Variants in FSHR observed in about 807,000 individuals in gnomAD.
The protein encoded by FSHR is follicle stimulating hormone receptor.
FSHR carries 46 observed loss-of-function variants against 52.1 expected under a neutral mutation model. The ratio of observed to expected loss-of-function variants is 0.88; its 90% CI spans 0.70 to 1.13. The LOEUF is 1.13. Ranked by LOEUF, FSHR falls within the 50% of genes most tolerant of loss-of-function variation. The pLI, the probability that FSHR is intolerant of heterozygous loss-of-function variation, is 0.00. For missense variants in FSHR, 964 were observed against 834.6 expected, an observed-to-expected ratio of 1.16 and a Z score of -1.91; for synonymous variants, 399 against 309.6, an observed-to-expected ratio of 1.29 and a Z score of -3.03.
At chr2:49,089,122 T>G (rs1178904143) in intron 1 of FSHR, among the ~76,000 whole-genome samples, 1 of 151,636 alleles carries the variant, frequency 6.6e-6, no homozygotes, top group Non-Finnish European at 1.5e-5. Context: ...TATTTATTTA[T>G]ATGAGTTTGA....
rs561098605 is a variant in FSHR, at chr2:49,032,605, A to G, written c.225-12445T>C. ...GCTAATAGCAGGTGCCCAGTAAGTG[A>G]TCACTGATGGGCGAAATAAATGAAA... On this transcript the variant is annotated intron_variant, in intron 2 of 9. Coordinates refer to ENST00000406846, the MANE Select transcript of FSHR (RefSeq NM_000145.4). Among the ~76,000 whole-genome samples the G allele has an allele frequency of 3.3e-5, 5 of 152,346 alleles. No homozygotes were observed. The South Asian group carries it at 8.3e-4, about 25-fold the overall frequency.
At chr2:49,032,054 T>A (rs1668117707) in intron 2 of FSHR, among the ~76,000 whole-genome samples, 1 of 152,308 alleles carries the variant, frequency 6.6e-6, no homozygotes, top group Non-Finnish European at 1.5e-5. Flanking sequence ...GGGCTTGAAG[T>A]CCTTTGCCTT....
At chr2:49,032,261 A>G (rs1373729696) in intron 2 of FSHR, among the ~76,000 whole-genome samples, 1 of 152,136 alleles carries the variant, frequency 6.6e-6, no homozygotes, top group East Asian at 1.9e-4. Flanking sequence ...GTATTTTATC[A>G]TAGTCAGGCT....
chr2:49,084,893 C>T (rs1214295280), intron 1 of FSHR, among the ~76,000 whole-genome samples: 1 of 152,072 alleles, frequency 6.6e-6, no homozygotes, highest in Admixed American at 6.5e-5. Flanking sequence ...CAGATGGATT[C>T]ACAGCTGAAT....
intron 8 of FSHR, among the ~76,000 whole-genome samples, chr2:48,974,471 G>A (rs915996298): frequency 1.3e-5 from 2 of 152,220 alleles, no homozygotes; most frequent in East Asian, 1.9e-4. Context: ...AAGGCATCTT[G>A]TCAGTGCCCT....
At chr2:49,013,197 G>C (rs151236291) in intron 4 of FSHR, among the ~76,000 whole-genome samples, 1,634 of 150,862 alleles carry the variant, frequency 0.011, 35 homozygotes, top group African/African-American at 0.037. Context: ...CTGTCTGCAA[G>C]CCAGGAACCA....
rs748692244 is a variant in FSHR, at chr2:48,968,837, C to T, written c.715G>A (p.Glu239Lys). ...CTGGCCCTCAGCTTCTTAAGATTTT[C>T]TAAGCCATAGCTAGGCAGGGAATGG... ...RIHSLPSYGL[E>K]NLKKLRARST... Residue 239 changes from glutamate (E) to lysine (K), a missense_variant, in exon 9 of 10, where the codon GAA becomes AAA. Transcript: ENST00000406846. 1.2e-6 allele frequency: 2 copies of T among 1,614,062 alleles called. No homozygotes were observed. Among genetic ancestry groups the T allele is most frequent in the South Asian group, 2.2e-5 (2 of 91,080 alleles).
At chr2:48,968,938 C>T in intron 8 of FSHR, 55 bp from the exon 9 acceptor site, 3 of 1,539,690 alleles carry the variant, frequency 1.9e-6, no homozygotes, top group Non-Finnish European at 2.7e-6. Flanking sequence ...AAACTTTCTG[C>T]TCTTGGTTAG....
intron 1 of FSHR, among the ~76,000 whole-genome samples, chr2:49,085,610 C>T: frequency 6.6e-6 from 1 of 152,148 alleles, no homozygotes. Context: ...CATCCCATTA[C>T]TGGGTATATA....
intron 8 of FSHR, among the ~76,000 whole-genome samples, chr2:48,980,253 T>A (rs1385432876): frequency 6.6e-6 from 1 of 152,258 alleles, no homozygotes; most frequent in Non-Finnish European, 1.5e-5. Flanking sequence ...ATTATCACTC[T>A]CTACCTTTTT....
At chr2:49,148,666 G>A (rs1393876232) in intron 1 of FSHR, among the ~76,000 whole-genome samples, 1 of 152,010 alleles carries the variant, frequency 6.6e-6, no homozygotes, top group Non-Finnish European at 1.5e-5. Context: ...AAATAAAGAC[G>A]GAGTGGTAAG....
Position 49,020,110 on chromosome 2 carries a change from G to C in FSHR, c.275C>G (p.Ser92Cys). ...CATTTCATGTAATTTGGGAAGGTTG[G>C]AGAACACATCTGCCTCTATCACCTC... is the stretch of plus-strand genomic sequence containing the variant. ...VLEVIEADVFSNLPKLHEIRI... is the reference protein window; with the variant it reads ...VLEVIEADVFCNLPKLHEIRI... The change falls in exon 3 of 10, where the codon TCC (serine) becomes TGC (cysteine). Residue 92 changes from serine (S) to cysteine (C), a missense_variant. Transcript: ENST00000406846. 6.2e-7 allele frequency: 1 copy of C among 1,613,682 alleles called. No individual in the cohort carries two copies. Among genetic ancestry groups the C allele is most frequent in the African/African-American group, 1.3e-5 (1 of 74,984 alleles).
At chr2:49,067,073 A>C (rs541958204) in intron 2 of FSHR, among the ~76,000 whole-genome samples, 21 of 152,228 alleles carry the variant, frequency 1.4e-4, no homozygotes, top group Middle Eastern at 3.4e-3. Flanking sequence ...CTCCTGCAAC[A>C]TGGAGATAGA....
intron 1 of FSHR, among the ~76,000 whole-genome samples, chr2:49,128,419 T>C (rs1672143856): frequency 6.6e-6 from 1 of 151,008 alleles, no homozygotes; most frequent in Non-Finnish European, 1.5e-5. Flanking sequence ...ATGCACAAAA[T>C]AAAGGAACAT....
intron 1 of FSHR, among the ~76,000 whole-genome samples, chr2:49,097,842 A>T (rs1268809298): frequency 6.6e-6 from 1 of 152,146 alleles, no homozygotes. Context: ...TTGTTGTTAG[A>T]TTTAATTCAT....
intron 1 of FSHR, among the ~76,000 whole-genome samples, chr2:49,098,368 C>T (rs190941594): frequency 9.2e-5 from 14 of 152,130 alleles, no homozygotes; most frequent in Admixed American, 5.9e-4. Flanking sequence ...GAAGGCTGGA[C>T]ACTTGATTCA....
In FSHR at chr2:49,021,251, C is replaced by G. The variant is rs566411620; in HGVS notation, c.225-1091G>C. Among the ~76,000 whole-genome samples, 444 of 152,042 alleles carry G rather than the reference C, an allele frequency of 2.9e-3. 2 individuals are homozygous for G. The highest frequency in any genetic ancestry group is 4.8e-3 in the Non-Finnish European group (329 of 67,988). ...CCTCAGGTCTCAGCGTTTTTTTCTC[C>G]CAGAGTAATTTGAGGGCAGAAGAGA... On this transcript the variant is annotated intron_variant, in intron 2 of 9. Coordinates refer to ENST00000406846, the MANE Select transcript of FSHR (RefSeq NM_000145.4).
At chr2:49,042,192 A>G (rs1166241944) in intron 2 of FSHR, among the ~76,000 whole-genome samples, 7 of 152,204 alleles carry the variant, frequency 4.6e-5, no homozygotes, top group African/African-American at 1.2e-4. Context: ...ATCATATTGC[A>G]TACTATGGAG....
chr2:49,043,612 G>GGACA (rs1298982714), intron 2 of FSHR, among the ~76,000 whole-genome samples: 1 of 152,116 alleles, frequency 6.6e-6, no homozygotes, highest in African/African-American at 2.4e-5. Context: ...GGACATTGAT[G>GGACA]GACACATTCC....
Sources: gnomAD v4.1 joint callset for allele counts (sites outside exome capture counted in the v4.1 genomes callset) on GRCh38, gnomAD v4.1.1 for gene constraint, MANE v1.5 for transcripts, NCBI Gene and HGNC (gene_info 2026-07-23, HGNC 2026-07-21) for gene names.